TMEM117: variants seen among roughly 807,000 people sequenced by gnomAD.
The protein encoded by TMEM117 is transmembrane protein 117.
Under a neutral mutation model 52.4 loss-of-function variants are expected in TMEM117, and 27 were observed. The ratio of observed to expected loss-of-function variants is 0.51; its 90% CI spans 0.38 to 0.71. TMEM117 has a LOEUF of 0.71. TMEM117 is among the 30% of genes least tolerant of loss of function. TMEM117 has a pLI of 0.00. For synonymous variants in TMEM117, 215 were observed against 206.3 expected (o/e 1.04, Z -0.36); for missense variants, 556 against 630.5 (o/e 0.88, Z 1.26).
intron 5 of TMEM117, among the ~76,000 whole-genome samples, chr12:44,277,109 T>C (rs1950523985): frequency 6.6e-6 from 1 of 152,198 alleles, no homozygotes; most frequent in South Asian, 2.1e-4. Flanking sequence ...CAATTATTTA[T>C]AAATTTGAAG....
At chr12:43,924,958 CCTT>C (rs1380571208) in intron 2 of TMEM117, among the ~76,000 whole-genome samples, 1 of 152,112 alleles carries the variant, frequency 6.6e-6, no homozygotes. Context: ...TGGAAAGTTA[CCTT>C]CTAAGATGGA....
At chr12:44,385,144 A>G (rs1422417992) in intron 7 of TMEM117, among the ~76,000 whole-genome samples, 1 of 152,162 alleles carries the variant, frequency 6.6e-6, no homozygotes, top group Non-Finnish European at 1.5e-5. Flanking sequence ...TGAGATGCCC[A>G]TCTGCTCATT....
At chr12:44,053,473 G>A (rs1245548659) in intron 3 of TMEM117, among the ~76,000 whole-genome samples, 2 of 152,144 alleles carry the variant, frequency 1.3e-5, no homozygotes, top group Non-Finnish European at 2.9e-5. Context: ...TTATTGCTGA[G>A]AGTTTTTATC....
intron 4 of TMEM117, among the ~76,000 whole-genome samples, chr12:44,196,018 C>T (rs890787465): frequency 2.0e-5 from 3 of 152,024 alleles, no homozygotes; most frequent in Non-Finnish European, 1.5e-5. Context: ...CCCAGGAATT[C>T]GAGGCTGCAG....
intron 5 of TMEM117, among the ~76,000 whole-genome samples, chr12:44,271,598 C>T (rs1950446560): frequency 6.6e-6 from 1 of 151,908 alleles, no homozygotes; most frequent in African/African-American, 2.4e-5. Context: ...TTTAAAAATC[C>T]ACTTAAAATT....
chr12:44,286,060 A>C (rs1555146537), intron 5 of TMEM117, among the ~76,000 whole-genome samples: 1 of 152,086 alleles, frequency 6.6e-6, no homozygotes, highest in African/African-American at 2.4e-5. Flanking sequence ...TTCACTTTAA[A>C]CCTTTCTATT....
At chr12:44,063,508 T>G (rs1947172118) in intron 3 of TMEM117, among the ~76,000 whole-genome samples, 1 of 152,110 alleles carries the variant, frequency 6.6e-6, no homozygotes, top group African/African-American at 2.4e-5. Flanking sequence ...AGGGTACATG[T>G]GCACAACGTA....
the TMEM117 span, among the ~76,000 whole-genome samples, chr12:43,802,986 C>T: frequency 6.6e-6 from 1 of 152,142 alleles, no homozygotes; most frequent in African/African-American, 2.4e-5. Flanking sequence ...TGGTATTCAG[C>T]AGAATCAAGT....
chr12:44,079,759 G>C (rs976263253), intron 3 of TMEM117, among the ~76,000 whole-genome samples: 3 of 152,022 alleles, frequency 2.0e-5, no homozygotes, highest in Non-Finnish European at 4.4e-5. Flanking sequence ...GCTCATGCCT[G>C]ATATCCAGCA....
chr12:44,105,350 C>T (rs73093458), intron 3 of TMEM117, among the ~76,000 whole-genome samples: 15,662 of 152,010 alleles, frequency 0.1, 907 homozygotes, highest in Middle Eastern at 0.2. Flanking sequence ...TTACATTACA[C>T]ATTTATTCTT....
chr12:43,866,280 T>A (rs1943597282), intron 2 of TMEM117, among the ~76,000 whole-genome samples: 1 of 151,622 alleles, frequency 6.6e-6, no homozygotes, highest in East Asian at 1.9e-4. Flanking sequence ...AATTTCAACC[T>A]AAAATTCTAT....
chr12:44,003,746 G>C (rs1457212679), intron 3 of TMEM117, among the ~76,000 whole-genome samples: 2 of 152,226 alleles, frequency 1.3e-5, no homozygotes, highest in Non-Finnish European at 2.9e-5. Context: ...GTGGTGGGCA[G>C]ATATGCAGTA....
At position 44,356,247 on chromosome 12, in the gene TMEM117, C is replaced by T. The variant is rs534323992; in HGVS notation, c.769-20348C>T. 2.8e-4 allele frequency among the ~76,000 whole-genome samples: 43 copies of T among 152,164 alleles called. 1 individual carries two copies. Among genetic ancestry groups the T allele is most frequent in the Admixed American group, 1.6e-3 (25 of 15,264 alleles). ...ACAAATTACAATATGACATGTAAAA[C>T]AGATAAATGAACTGCATTTGTTGCA... On this transcript the variant is annotated intron_variant, in intron 6 of 7. Transcript: ENST00000266534.
chr12:43,910,516 A>C (rs1243759031), intron 2 of TMEM117, among the ~76,000 whole-genome samples: 1 of 147,604 alleles, frequency 6.8e-6, no homozygotes, highest in Non-Finnish European at 1.5e-5. Context: ...AGGAGAAGGA[A>C]ATAAAGGGTA....
At chr12:44,328,811 C>T (rs532906439) in intron 6 of TMEM117, among the ~76,000 whole-genome samples, 1 of 151,868 alleles carries the variant, frequency 6.6e-6, no homozygotes, top group African/African-American at 2.4e-5. Flanking sequence ...ATAAATAGTT[C>T]TTAAATATAG....
Position 44,066,392 on chromosome 12 carries a change from T to C in TMEM117, c.411-77133T>C, listed in dbSNP as rs541723263. 4.5e-4 allele frequency among the ~76,000 whole-genome samples: 69 copies of C among 152,318 alleles called. No homozygotes were observed. In the South Asian group the frequency reaches 0.013, roughly 28 times the overall value. On this transcript the variant is annotated intron_variant, in intron 3 of 7. Transcript: ENST00000266534. Reference sequence around the variant, plus strand: ...AATTTCCTGTTGACTTTGTGAGCCATAGTAAACAAGCTAAATGTTTTGGGT... The same window carrying C: ...AATTTCCTGTTGACTTTGTGAGCCACAGTAAACAAGCTAAATGTTTTGGGT...
At position 44,063,145 on chromosome 12, in the gene TMEM117, T is replaced by C. The variant is rs564110900; in HGVS notation, c.411-80380T>C. 3.3e-5 allele frequency among the ~76,000 whole-genome samples: 5 copies of C among 152,206 alleles called. No individual in the cohort carries two copies. In the South Asian group the frequency reaches 1.0e-3, roughly 32 times the overall value. Reference sequence around the variant, plus strand: ...GACGTAGAGACACCAAGACTGAAAATCCTATCTCCCAAGAATCTTTTATCA... The same window carrying C: ...GACGTAGAGACACCAAGACTGAAAACCCTATCTCCCAAGAATCTTTTATCA... On this transcript the variant is annotated intron_variant, in intron 3 of 7. Transcript: ENST00000266534.
chr12:44,274,462 A>C (rs545052082), intron 5 of TMEM117, among the ~76,000 whole-genome samples: 1 of 152,054 alleles, frequency 6.6e-6, no homozygotes, highest in South Asian at 2.1e-4. Context: ...AATTCTAAAA[A>C]TATATGTAAC....
chr12:44,241,131 T>C (rs73274105), intron 5 of TMEM117, among the ~76,000 whole-genome samples: 2 of 152,030 alleles, frequency 1.3e-5, no homozygotes, highest in Admixed American at 1.3e-4. Context: ...CTCTAGATTA[T>C]GTATAACATC....
Sources: allele counts gnomAD v4.1 joint callset (sites outside exome capture counted in the v4.1 genomes callset), GRCh38; gene constraint gnomAD v4.1.1; transcripts MANE v1.5; gene names NCBI Gene and HGNC (gene_info 2026-07-23, HGNC 2026-07-21).